Variants in CATSPERG observed in about 807,000 individuals in gnomAD.
CATSPERG encodes catsper channel auxiliary subunit gamma, also known as cation channel sperm-associated auxiliary subunit gamma.
CATSPERG carries 115 observed loss-of-function variants against 145.0 expected under a neutral mutation model. The observed-to-expected ratio is 0.79, with a 90% CI of 0.68 to 0.93. CATSPERG has a LOEUF of 0.93. CATSPERG is among the 40% of genes least tolerant of loss of function. The pLI is 0.00. For synonymous variants in CATSPERG, 588 were observed against 589.0 expected, an observed-to-expected ratio of 1.00 and a Z score of 0.02; for missense variants, 1,296 against 1,490.1, an observed-to-expected ratio of 0.87 and a Z score of 2.14.
chr19:38,370,320 G>T, intron 28 of CATSPERG, 62 bp downstream of exon 28: 2 of 1,503,444 alleles, frequency 1.3e-6, no homozygotes, highest in Non-Finnish European at 9.2e-7. Context: ...CCATACCTAT[G>T]CTTGTTATAC....
chr19:38,362,917 C>A (rs1215567871), intron 20 of CATSPERG, 85 bp downstream of exon 20: 4 of 932,884 alleles, frequency 4.3e-6, no homozygotes, highest in Admixed American at 2.5e-5. Flanking sequence ...CTTGCTCTGT[C>A]GCTCAGGCTG....
intron 3 of CATSPERG, chr19:38,337,867 T>C (rs1969870307): frequency 4.7e-6 from 2 of 422,196 alleles, no homozygotes; most frequent in South Asian, 2.9e-5. Context: ...TACAGGCATG[T>C]GACACCACGC....
intron 16 of CATSPERG, among the ~76,000 whole-genome samples, chr19:38,361,323 C>T (rs913989321): frequency 3.3e-5 from 5 of 151,966 alleles, no homozygotes; most frequent in Admixed American, 3.3e-4. Flanking sequence ...ATCAGAGCAA[C>T]CCAGGGAGGC....
At position 38,360,638 on chromosome 19, in the gene CATSPERG, A is replaced by G. The variant is rs1205229090; in HGVS notation, c.1758A>G (p.Lys586=). 6.2e-7 allele frequency: 1 copy of G among 1,614,208 alleles called. No homozygotes were observed. The highest frequency in any genetic ancestry group is 1.3e-5 in the African/African-American group (1 of 75,054). ...TMLTLFYEDS[K]LYQLVYLMNN... is the part of the protein sequence containing the mutation. ...TGACCCTCTTCTACGAAGACAGCAA[A>G]CTGTACCAGGTGCCCGGTGGAGCTA... The change falls in exon 15 of 29, where the codon AAA becomes AAG. Residue 586 remains lysine, a synonymous_variant. Transcript: ENST00000409235.
At chr19:38,337,171 G>C in intron 1 of CATSPERG, 50 bp from the exon 2 acceptor site, 2 of 1,532,038 alleles carry the variant, frequency 1.3e-6, no homozygotes, top group Non-Finnish European at 1.8e-6. Context: ...CTTAAAAGTG[G>C]GCTCCAGAGA....
chr19:38,365,281 A>G (rs1266374158), intron 22 of CATSPERG, 164 bp downstream of exon 22: 3 of 639,128 alleles, frequency 4.7e-6, no homozygotes, highest in East Asian at 5.6e-5. Context: ...AACTCCTTTC[A>G]TTCTTTTTTC....
intron 11 of CATSPERG, 63 bp downstream of exon 11, chr19:38,356,924 G>GC: frequency 6.3e-7 from 1 of 1,594,212 alleles, no homozygotes; most frequent in Middle Eastern, 1.7e-4. Context: ...TGGACTGCAT[G>GC]CCCATCCTGA....
intron 17 of CATSPERG, 111 bp from the exon 18 acceptor site, chr19:38,362,099 C>T (rs1284351423): frequency 1.6e-6 from 2 of 1,245,194 alleles, no homozygotes; most frequent in Non-Finnish European, 2.3e-6. Context: ...GTATCTTCTG[C>T]TCTGGGTTGG....
At position 38,358,315 on chromosome 19, in the gene CATSPERG, A is replaced by G. The variant is rs199974546; in HGVS notation, c.1353A>G (p.Glu451=). ...DDLELLYHIP[E]FIPEARGLEF... ...TGGAACTTCTCTACCACATCCCAGA[A>G]TTCATCCCTGAAGGTAGGAAGGGAA... The change falls in exon 12 of 29, where the codon GAA becomes GAG. Residue 451 remains glutamate, a synonymous_variant. Coordinates refer to ENST00000409235, the MANE Select transcript of CATSPERG (RefSeq NM_021185.5). The G allele has an allele frequency of 4.3e-6, 7 of 1,614,136 alleles. No individual in the cohort carries two copies. Among genetic ancestry groups the G allele is most frequent in the Non-Finnish European group, 5.9e-6 (7 of 1,180,018 alleles).
At chr19:38,348,218 G>A (rs1162411958) in intron 7 of CATSPERG, among the ~76,000 whole-genome samples, 1 of 152,010 alleles carries the variant, frequency 6.6e-6, no homozygotes, top group African/African-American at 2.4e-5. Flanking sequence ...GAGTGCACTG[G>A]TGTGATCATA....
chr19:38,356,159 G>C (rs1970239018), intron 9 of CATSPERG, among the ~76,000 whole-genome samples: 1 of 152,102 alleles, frequency 6.6e-6, no homozygotes, highest in South Asian at 2.1e-4. Context: ...TAAAGCTTCA[G>C]ACTCAAGTCA....
rs576017768 is a variant in CATSPERG at position 38,337,405 on chromosome 19, C to T, written c.171C>T (p.Gly57=). ...TCCTGAACGAGTTTAAGAGGGTAGGCGAGAGTGGTGTGAGCGACAGCTTCT... is the reference window on the plus strand; with the variant it reads ...TCCTGAACGAGTTTAAGAGGGTAGGTGAGAGTGGTGTGAGCGACAGCTTCT... ...QVVLNEFKRV[G]ESGVSDSFFE... Residue 57 remains glycine (G), a synonymous_variant, in exon 2 of 29, where the codon GGC becomes GGT. Transcript: ENST00000409235. The T allele has an allele frequency of 7.7e-6, 12 of 1,551,910 alleles. No homozygotes were observed. In the African/African-American group the frequency reaches 1.4e-4, roughly 18 times the overall value.
intron 20 of CATSPERG, among the ~76,000 whole-genome samples, chr19:38,363,511 T>C (rs970490716): frequency 1.5e-5 from 2 of 132,560 alleles, no homozygotes; most frequent in Non-Finnish European, 3.3e-5. Context: ...TTTTTTTTTA[T>C]TGATCATTCT....
intron 23 of CATSPERG, 84 bp downstream of exon 23, chr19:38,367,396 C>G: frequency 6.4e-7 from 1 of 1,561,362 alleles, no homozygotes; most frequent in Non-Finnish European, 8.7e-7. Flanking sequence ...TTCCTCTCCC[C>G]GCAGACTACC....
At chr19:38,353,584 C>G (rs1465139664) in intron 8 of CATSPERG, among the ~76,000 whole-genome samples, 2 of 149,932 alleles carry the variant, frequency 1.3e-5, no homozygotes, top group Admixed American at 6.7e-5. Context: ...GTAGTCCCAG[C>G]TACTCGGGAG....
At chr19:38,361,061 C>A (rs1217806366) in intron 16 of CATSPERG, among the ~76,000 whole-genome samples, 1 of 152,074 alleles carries the variant, frequency 6.6e-6, no homozygotes, top group Non-Finnish European at 1.5e-5. Flanking sequence ...GGTGTATGCA[C>A]TGTGGCAAGA....
intron 20 of CATSPERG, among the ~76,000 whole-genome samples, chr19:38,363,791 A>G (rs1324525528): frequency 6.6e-6 from 1 of 152,202 alleles, no homozygotes; most frequent in East Asian, 1.9e-4. Context: ...GTAAGGTCAC[A>G]GATCAACAGG....
chr19:38,350,285 A>G (rs1277623849), intron 7 of CATSPERG, among the ~76,000 whole-genome samples: 2 of 152,218 alleles, frequency 1.3e-5, no homozygotes, highest in Non-Finnish European at 2.9e-5. Flanking sequence ...GTGGAGAAGA[A>G]AATTTATTGG....
intron 6 of CATSPERG, 86 bp downstream of exon 6, chr19:38,344,454 A>G: frequency 8.4e-7 from 1 of 1,197,470 alleles, no homozygotes; most frequent in South Asian, 1.3e-5. Flanking sequence ...AGCAGATCCC[A>G]TTTAGGGAGC....
Sources: allele counts gnomAD v4.1 joint callset (sites outside exome capture counted in the v4.1 genomes callset), GRCh38; gene constraint gnomAD v4.1.1; transcripts MANE v1.5; gene names NCBI Gene and HGNC (gene_info 2026-07-23, HGNC 2026-07-21).